The following NUDT4 variants were observed in gnomAD, a reference collection of about 807,000 sequenced individuals.
NUDT4 encodes the protein diphosphoinositol polyphosphate phosphohydrolase 2.
NUDT4 carries 5 observed loss-of-function variants against 23.1 expected under a neutral mutation model. The observed-to-expected ratio is 0.22, with a 90% CI of 0.11 to 0.46. NUDT4 has a LOEUF of 0.46. NUDT4 is among the 20% of genes least tolerant of loss of function. The pLI is 0.99. For missense variants in NUDT4, 96 were observed against 211.6 expected, an observed-to-expected ratio of 0.45 and a Z score of 3.39; for synonymous variants, 50 against 79.0, an observed-to-expected ratio of 0.63 and a Z score of 1.95.
intron 1 of NUDT4, among the ~76,000 whole-genome samples, chr12:93,391,500 G>A (rs2120921872): frequency 6.6e-6 from 1 of 151,930 alleles, no homozygotes; most frequent in African/African-American, 2.4e-5. Flanking sequence ...GGGAGGCAGA[G>A]GTTGCTGTGA....
chr12:93,378,904 C>T (rs1875420646), intron 1 of NUDT4: 3 of 527,006 alleles, frequency 5.7e-6, no homozygotes, highest in Non-Finnish European at 7.3e-6. Context: ...AGACAGTCCT[C>T]GTGCTTGGAA....
In NUDT4 at chr12:93,404,889, ATTT is replaced by A. The variant is rs1226937776; in HGVS notation, c.*5515_*5517del. On this transcript the variant is annotated 3_prime_UTR_variant, in exon 5 of 5. Transcript: ENST00000415493. ...TGTTTGTACGGCCAACAAGTTTAAA[ATTT>A]TTTTAATGTTTTAGGTTTTTTTTTT... The A allele has an allele frequency of 6.6e-6, 1 of 150,722 alleles. No individual in the cohort carries two copies. The highest frequency in any genetic ancestry group is 2.5e-5 in the African/African-American group (1 of 40,394). The allele number at this position is 150,722 out of a possible 1,614,324, so 9.3% of individuals were successfully genotyped here.
Position 93,406,917 on chromosome 12 carries a change from G to A in NUDT4, c.*7538G>A, listed in dbSNP as rs1156461642. On this transcript the variant is annotated 3_prime_UTR_variant, in exon 5 of 5. Coordinates refer to ENST00000415493, the MANE Select transcript of NUDT4 (RefSeq NM_019094.6). ...TTTGAGAGGATGAAGGATAACTAGAGCAGAAGCAAATCGCAGCGAAGTAGA... is the reference window on the plus strand; with the variant it reads ...TTTGAGAGGATGAAGGATAACTAGAACAGAAGCAAATCGCAGCGAAGTAGA... 1 of 152,226 alleles carries A rather than the reference G, an allele frequency of 6.6e-6. No individual in the cohort carries two copies. Among genetic ancestry groups the A allele is most frequent in the African/African-American group, 2.4e-5 (1 of 41,454 alleles). 9.4% of individuals were successfully genotyped at this position (152,226 alleles called of 1,614,324 possible).
rs1877677065 is a variant in NUDT4, at chr12:93,404,320, T to TG, written c.*4942dup. 6.6e-6 allele frequency: 1 copy of TG among 152,240 alleles called. No homozygotes were observed. The allele number at this position is 152,240 out of a possible 1,614,324, so 9.4% of individuals were successfully genotyped here. A position where few individuals can be genotyped will look rare whatever the true frequency, so the allele number is the denominator to read the frequency against. ...AGCAAAGGATTTGTAATGGTTAACT[T>TG]GCAATATATCCATATGGTGTAATAT... is the stretch of plus-strand genomic sequence containing the variant. On this transcript the variant is annotated 3_prime_UTR_variant, in exon 5 of 5. Transcript: ENST00000415493.
At chr12:93,395,881 C>T (rs546310679) in intron 3 of NUDT4, among the ~76,000 whole-genome samples, 1 of 152,242 alleles carries the variant, frequency 6.6e-6, no homozygotes, top group African/African-American at 2.4e-5. Flanking sequence ...CCACCACGCC[C>T]AGCTAAGTTT....
intron 1 of NUDT4, among the ~76,000 whole-genome samples, chr12:93,389,996 G>T (rs1241786431): frequency 6.6e-6 from 1 of 152,066 alleles, no homozygotes; most frequent in Non-Finnish European, 1.5e-5. Context: ...CTGTAATTTA[G>T]CTCTGTCTTG....
In NUDT4 at chr12:93,398,799, T is replaced by G. The variant is rs756363783; in HGVS notation, c.284T>G (p.Val95Gly). 6.2e-7 allele frequency: 1 copy of G among 1,605,474 alleles called. No homozygotes were observed. The highest frequency in any genetic ancestry group is 8.5e-7 in the Non-Finnish European group (1 of 1,173,150). ...ENQDRKHRTY[V>G]YVLTVTEILE... ...CAAGACCGAAAGCACAGAACATATG[T>G]TTATGTTCTAACAGTCACTGAAATA... Residue 95 changes from valine (V) to glycine (G), a missense_variant, in exon 4 of 5, where the codon GTT (valine) becomes GGT (glycine). Physicochemically the swap from Val to Gly is moderately radical, Grantham distance 109. Coordinates refer to ENST00000415493, the MANE Select transcript of NUDT4 (RefSeq NM_019094.6).
At chr12:93,392,254 CT>C (rs1175905948) in intron 1 of NUDT4, among the ~76,000 whole-genome samples, 33 of 104,662 alleles carry the variant, frequency 3.2e-4, no homozygotes, top group African/African-American at 7.4e-4. Context: ...CCCCCCCCCC[CT>C]TTTTTTTTTC....
chr12:93,390,347 ACT>A (rs1876404060), intron 1 of NUDT4, among the ~76,000 whole-genome samples: 1 of 152,054 alleles, frequency 6.6e-6, no homozygotes, highest in Admixed American at 6.6e-5. Context: ...TGCGAGACAA[ACT>A]CTTAACATTT....
In NUDT4 at chr12:93,402,127, A is replaced by G. The variant is rs552436250; in HGVS notation, c.*2748A>G. 1.6e-4 allele frequency: 25 copies of G among 151,642 alleles called. No homozygotes were observed. The highest frequency in any genetic ancestry group is 4.6e-4 in the African/African-American group (19 of 41,458). The allele number at this position is 151,642 out of a possible 1,614,324, so 9.4% of individuals were successfully genotyped here. ...GCACATGCCATCCAATTTTCTGTCA[A>G]TCACACTGTTGTATAAAGCAGCAGA... On this transcript the variant is annotated 3_prime_UTR_variant, in exon 5 of 5. Coordinates refer to ENST00000415493, the MANE Select transcript of NUDT4 (RefSeq NM_019094.6).
At chr12:93,386,717 T>A (rs1443897860) in intron 1 of NUDT4, among the ~76,000 whole-genome samples, 2 of 152,180 alleles carry the variant, frequency 1.3e-5, no homozygotes, top group Non-Finnish European at 2.9e-5. Flanking sequence ...AAAATTTATG[T>A]AAGAAACAAA....
At chr12:93,378,628 C>G (rs573949885) in intron 1 of NUDT4, 2 of 1,216,384 alleles carry the variant, frequency 1.6e-6, no homozygotes, top group South Asian at 6.8e-5. Context: ...GGGGGCTCGC[C>G]CAGCCCCAGT....
intron 2 of NUDT4, among the ~76,000 whole-genome samples, chr12:93,395,091 C>T (rs1374589602): frequency 2.0e-5 from 3 of 152,078 alleles, no homozygotes; most frequent in African/African-American, 4.8e-5. Context: ...TCAGGTGATC[C>T]GCCAGCCTCA....
Position 93,378,419 on chromosome 12 carries a change from G to C in NUDT4, c.97G>C (p.Glu33Gln). 6.4e-6 allele frequency: 10 copies of C among 1,553,434 alleles called. No individual in the cohort carries two copies. Among genetic ancestry groups the C allele is most frequent in the Non-Finnish European group, 8.7e-6 (10 of 1,149,322 alleles). ...CLCFRSEQEDEVLLVSSSRYP... is the reference protein window; with the variant it reads ...CLCFRSEQEDQVLLVSSSRYP... Reference sequence around the variant, plus strand: ...GTGCTTCCGGAGCGAGCAGGAGGACGAGGTAGGGCGCCCGGCGCCGCACGC... The same window carrying C: ...GTGCTTCCGGAGCGAGCAGGAGGACCAGGTAGGGCGCCCGGCGCCGCACGC... Residue 33 changes from glutamate (E) to glutamine (Q), a missense_variant and splice_region_variant, in exon 1 of 5, where the codon GAG (glutamate) becomes CAG (glutamine). Transcript: ENST00000415493.
At chr12:93,380,335 G>A (rs1875568216) in intron 1 of NUDT4, among the ~76,000 whole-genome samples, 1 of 152,152 alleles carries the variant, frequency 6.6e-6, no homozygotes, top group Non-Finnish European at 1.5e-5. Flanking sequence ...ACTGATAGAA[G>A]CTTTAGGAAT....
At chr12:93,383,601 G>T (rs1173348175) in intron 1 of NUDT4, among the ~76,000 whole-genome samples, 1 of 152,240 alleles carries the variant, frequency 6.6e-6, no homozygotes, top group African/African-American at 2.4e-5. Flanking sequence ...GGAGGCCAAG[G>T]TGGGTGGATC....
chr12:93,378,728 G>T, intron 1 of NUDT4: 1 of 1,082,548 alleles, frequency 9.2e-7, no homozygotes, highest in Non-Finnish European at 1.1e-6. Flanking sequence ...CCATCTTAAC[G>T]TGCGAATTGA....
At chr12:93,383,726 G>A (rs1377121842) in intron 1 of NUDT4, among the ~76,000 whole-genome samples, 4 of 152,250 alleles carry the variant, frequency 2.6e-5, no homozygotes, top group South Asian at 2.1e-4. Flanking sequence ...TGGCTACTCC[G>A]GAGGCTGAGG....
At chr12:93,383,865 A>G (rs908037563) in intron 1 of NUDT4, among the ~76,000 whole-genome samples, 2 of 152,182 alleles carry the variant, frequency 1.3e-5, no homozygotes, top group Non-Finnish European at 2.9e-5. Flanking sequence ...GTTTCTGAAT[A>G]GCTACAATTT....
Sources: gnomAD v4.1 joint callset for allele counts (sites outside exome capture counted in the v4.1 genomes callset) on GRCh38, gnomAD v4.1.1 for gene constraint, MANE v1.5 for transcripts, NCBI Gene and HGNC (gene_info 2026-07-23, HGNC 2026-07-21) for gene names.